Variants in EPB41L5 observed in about 807,000 individuals in gnomAD.
EPB41L5 encodes erythrocyte membrane protein band 4.1 like 5.
Under a neutral mutation model 106.6 loss-of-function variants are expected in EPB41L5, and 55 were observed. That is an observed-to-expected ratio of 0.52 (90% CI 0.42 to 0.65). The LOEUF (loss-of-function observed/expected upper bound fraction) is 0.65, where lower values mean the gene tolerates loss of function less well. Ranked by LOEUF, EPB41L5 falls within the 30% of genes least tolerant of loss-of-function variation. The pLI, the probability that EPB41L5 is intolerant of heterozygous loss-of-function variation, is 0.00. For synonymous variants in EPB41L5, 297 were observed against 306.7 expected, an observed-to-expected ratio of 0.97 and a Z score of 0.33; for missense variants, 871 against 882.1, an observed-to-expected ratio of 0.99 and a Z score of 0.16.
At chr2:120,032,345 C>T (rs540269086) in intron 2 of EPB41L5, among the ~76,000 whole-genome samples, 12 of 152,074 alleles carry the variant, frequency 7.9e-5, no homozygotes, top group African/African-American at 2.7e-4. Flanking sequence ...GCTACTGCAC[C>T]CCAGCCTGGG....
intron 3 of EPB41L5, among the ~76,000 whole-genome samples, chr2:120,061,214 GTATTTTTTTTTT>G (rs1478146385): frequency 3.0e-5 from 4 of 134,466 alleles, no homozygotes; most frequent in South Asian, 2.5e-4. Context: ...CTAATTTTTT[GTATTTTTTTTTT>G]TATTTTTTTT....
At chr2:120,127,309 A>G (rs1685497075) in intron 16 of EPB41L5, among the ~76,000 whole-genome samples, 1 of 152,198 alleles carries the variant, frequency 6.6e-6, no homozygotes, top group Non-Finnish European at 1.5e-5. Context: ...TCTTATTCCA[A>G]CAAAGACCTT....
chr2:120,058,790 C>T (rs2166434), intron 3 of EPB41L5, among the ~76,000 whole-genome samples: 96,330 of 151,920 alleles, frequency 0.63, 31,961 homozygotes, highest in Middle Eastern at 0.74. Context: ...TTAAAAATAG[C>T]GTGGCTGATG....
At chr2:120,106,743 C>G (rs576714280) in intron 16 of EPB41L5, 848 of 985,304 alleles carry the variant, frequency 8.6e-4, no homozygotes, top group Non-Finnish European at 1.0e-3. Context: ...GTGACCTTCA[C>G]ACTTTCACGC....
At chr2:120,106,698 C>G in intron 16 of EPB41L5, 1 of 985,342 alleles carries the variant, frequency 1.0e-6, no homozygotes, top group Non-Finnish European at 1.2e-6. Context: ...ACTGTTTTTA[C>G]AGTCAAGGAA....
intron 12 of EPB41L5, 69 bp downstream of exon 12, chr2:120,090,585 C>A (rs562644155): frequency 2.7e-4 from 376 of 1,383,580 alleles, no homozygotes; most frequent in Admixed American, 2.0e-3. Context: ...CCAATCTTCT[C>A]TTTTTTACAG....
At chr2:120,104,013 A>C in intron 16 of EPB41L5, 1 of 1,472,536 alleles carries the variant, frequency 6.8e-7, no homozygotes. Flanking sequence ...ATTTTCTCCT[A>C]TTCCTATTGA....
intron 16 of EPB41L5, among the ~76,000 whole-genome samples, chr2:120,123,816 C>T (rs186483239): frequency 4.1e-4 from 63 of 151,964 alleles, no homozygotes; most frequent in African/African-American, 1.4e-3. Flanking sequence ...TGCCACCATG[C>T]CCCGCTAATT....
chr2:120,167,636 A>C, intron 23 of EPB41L5, 129 bp downstream of exon 23: 2 of 1,095,286 alleles, frequency 1.8e-6, no homozygotes, highest in Non-Finnish European at 2.7e-6. Context: ...ACTGAACTTA[A>C]CTTAATGGCT....
intron 14 of EPB41L5, among the ~76,000 whole-genome samples, chr2:120,093,603 C>A (rs1683555112): frequency 6.6e-6 from 1 of 152,156 alleles, no homozygotes; most frequent in African/African-American, 2.4e-5. Context: ...GGTTGATTTG[C>A]AAATAGGCAA....
chr2:120,089,908 T>C (rs1213453395), intron 11 of EPB41L5, among the ~76,000 whole-genome samples: 1 of 152,156 alleles, frequency 6.6e-6, no homozygotes, highest in Non-Finnish European at 1.5e-5. Flanking sequence ...CTCATTGAGA[T>C]AATTTATGTG....
At chr2:120,105,366 A>G in intron 16 of EPB41L5, 2 of 977,022 alleles carry the variant, frequency 2.0e-6, no homozygotes, top group Non-Finnish European at 1.2e-6. Flanking sequence ...ATGCTTCAAG[A>G]TAATGAAGCT....
intron 2 of EPB41L5, among the ~76,000 whole-genome samples, chr2:120,029,171 G>A (rs551454399): frequency 1.3e-5 from 2 of 152,110 alleles, no homozygotes; most frequent in South Asian, 4.2e-4. Flanking sequence ...TTTTGTTGTT[G>A]TTGTTGTTTC....
intron 20 of EPB41L5, among the ~76,000 whole-genome samples, chr2:120,148,428 A>G (rs1686509586): frequency 6.6e-6 from 1 of 151,976 alleles, no homozygotes; most frequent in South Asian, 2.1e-4. Context: ...TAAGGTCTTC[A>G]TACTCACTAG....
intron 3 of EPB41L5, among the ~76,000 whole-genome samples, chr2:120,060,643 G>A (rs535700777): frequency 9.3e-4 from 142 of 152,276 alleles, no homozygotes; most frequent in African/African-American, 3.2e-3. Flanking sequence ...CTATAAATGA[G>A]TAATGTGAGA....
chr2:120,119,593 A>T lies in EPB41L5; in HGVS notation c.1338-8095A>T, dbSNP rs1216926224. The stretch of plus-strand genomic sequence containing the variant: ...CCTATAGCTAGGCAGTTATCCCAGC[A>T]CTATTTATGAAATATGGAGTCCTTT... On this transcript the variant is annotated intron_variant, in intron 16 of 24. Coordinates refer to ENST00000263713, the MANE Select transcript of EPB41L5 (RefSeq NM_020909.4). Among the ~76,000 whole-genome samples the T allele has an allele frequency of 6.6e-5, 10 of 151,976 alleles. No individual in the cohort carries two copies. The East Asian group carries it at 1.5e-3, about 24-fold the overall frequency.
rs375754153 is a variant in EPB41L5, at chr2:120,061,031, G to GTTTTTTTTTTTTTTTTTTTTTTTTT, written c.286-12144_286-12120dup. Reference sequence around the variant, plus strand: ...TTAGAATTTTAACTGGTTCAGGGAAGTTTTTTTTTTTTTTTTTTTTTTTTT... The same window carrying GTTTTTTTTTTTTTTTTTTTTTTTTT: ...TTAGAATTTTAACTGGTTCAGGGAAGTTTTTTTTTTTTTTTTTTTTTTTTTTTTTTTTTTTTTTTTTTTTTTTTTT... On this transcript the variant is annotated intron_variant, in intron 3 of 24. Coordinates refer to ENST00000263713, the MANE Select transcript of EPB41L5 (RefSeq NM_020909.4). Among the ~76,000 whole-genome samples, 2 of 69,100 alleles carry GTTTTTTTTTTTTTTTTTTTTTTTTT rather than the reference G, an allele frequency of 2.9e-5. 1 individual carries two copies. The highest frequency in any genetic ancestry group is 5.1e-5 in the Non-Finnish European group (2 of 39,330). 45.3% of individuals were successfully genotyped at this position (69,100 alleles called of 152,430 possible).
chr2:120,172,769 A>G (rs72841656), intron 24 of EPB41L5, among the ~76,000 whole-genome samples: 6,958 of 152,240 alleles, frequency 0.046, 228 homozygotes, highest in Non-Finnish European at 0.071. Context: ...CCAAGATGGT[A>G]GCTGCCCAGT....
chr2:120,077,135 G>A lies in EPB41L5; in HGVS notation c.626+44G>A, dbSNP rs549395768. Reference sequence around the variant, plus strand: ...TACTTTCTTTAAAATCACCACAACAGTTATTTCATATTCATTTTCTTCTGT... The same window carrying A: ...TACTTTCTTTAAAATCACCACAACAATTATTTCATATTCATTTTCTTCTGT... On this transcript the variant is annotated intron_variant, in intron 8 of 24. Transcript: ENST00000263713. 117 of 1,596,016 alleles carry A rather than the reference G, an allele frequency of 7.3e-5. 2 individuals carry two copies. In the South Asian group the frequency reaches 1.3e-3, roughly 17 times the overall value.
Sources: allele counts gnomAD v4.1 joint callset (sites outside exome capture counted in the v4.1 genomes callset), GRCh38; gene constraint gnomAD v4.1.1; transcripts MANE v1.5; gene names NCBI Gene and HGNC (gene_info 2026-07-23, HGNC 2026-07-21).